The following ADK variants were observed in gnomAD, a reference collection of about 807,000 sequenced individuals.
ADK encodes adenosine kinase, also known as N6,N6-dimethyladenosine kinase.
A neutral mutation model predicts 44.7 loss-of-function variants in ADK; 24 were observed. The observed-to-expected ratio is 0.54, with a 90% confidence interval of 0.39 to 0.76. The LOEUF (loss-of-function observed/expected upper bound fraction) is 0.76. ADK is among the 30% of genes least tolerant of loss of function. The pLI, the probability that ADK is intolerant of heterozygous loss-of-function variation, is 0.00. For synonymous variants in ADK, 128 were observed against 142.6 expected (o/e 0.90, Z 0.73); for missense variants, 321 against 425.1 (o/e 0.76, Z 2.15).
chr10:74,371,937 A>G, intron 4 of ADK: 1 of 1,295,230 alleles, frequency 7.7e-7, no homozygotes, highest in Non-Finnish European at 1.1e-6. Context: ...CCAGCCTCTC[A>G]CAGAGGCATC....
rs138098163 is a variant in ADK, at chr10:74,638,563, A to G, written c.878-31620A>G. On this transcript the variant is annotated intron_variant, in intron 9 of 10. Coordinates refer to ENST00000539909, the MANE Select transcript of ADK (RefSeq NM_006721.4). ...TCTTGGCTACCCAGGAGGCTGAGGCAGGTGATCACATGAGCTGAGGAGCTC... is the reference window on the plus strand; with the variant it reads ...TCTTGGCTACCCAGGAGGCTGAGGCGGGTGATCACATGAGCTGAGGAGCTC... Among the ~76,000 whole-genome samples the G allele has an allele frequency of 6.1e-3, 927 of 152,350 alleles. 3 individuals carry two copies. Among genetic ancestry groups the G allele is most frequent in the Admixed American group, 0.013 (201 of 15,298 alleles).
At chr10:74,528,477 A>G (rs1020166255) in intron 7 of ADK, among the ~76,000 whole-genome samples, 3 of 151,762 alleles carry the variant, frequency 2.0e-5, no homozygotes, top group African/African-American at 7.2e-5. Flanking sequence ...AAAAAAAAAA[A>G]AAGACTCCAA....
intron 2 of ADK, among the ~76,000 whole-genome samples, chr10:74,216,471 T>A (rs1844025382): frequency 1.3e-5 from 2 of 152,120 alleles, no homozygotes. Flanking sequence ...GCACCTGTAA[T>A]CCTAGTACTT....
chr10:74,691,533 A>G (rs1249143139), intron 10 of ADK, among the ~76,000 whole-genome samples: 1 of 152,164 alleles, frequency 6.6e-6, no homozygotes, highest in African/African-American at 2.4e-5. Context: ...GCAGCAGGGA[A>G]ATCATAGAAT....
intron 6 of ADK, among the ~76,000 whole-genome samples, chr10:74,469,366 A>G (rs906523689): frequency 3.9e-5 from 6 of 152,062 alleles, no homozygotes; most frequent in Non-Finnish European, 8.8e-5. Flanking sequence ...TAACCTTTTA[A>G]TTTATTTTTT....
intron 7 of ADK, among the ~76,000 whole-genome samples, chr10:74,583,547 C>T (rs1851437798): frequency 6.6e-6 from 1 of 152,026 alleles, no homozygotes; most frequent in Non-Finnish European, 1.5e-5. Flanking sequence ...ATTTGCTGAC[C>T]ACACTTGCTT....
intron 10 of ADK, among the ~76,000 whole-genome samples, chr10:74,705,285 TGCAGCAGC>T (rs552215948): frequency 1.8e-4 from 9 of 50,824 alleles, no homozygotes; most frequent in Non-Finnish European, 2.5e-4. Flanking sequence ...GAGTGTTAAC[TGCAGCAGC>T]TCAGCAGCTC....
At chr10:74,182,523 C>T (rs1054265724) in intron 1 of ADK, among the ~76,000 whole-genome samples, 1 of 152,060 alleles carries the variant, frequency 6.6e-6, no homozygotes, top group African/African-American at 2.4e-5. Flanking sequence ...CACATGCCAC[C>T]ATGCCCGGCT....
chr10:74,499,174 C>T (rs1942271244), intron 6 of ADK, among the ~76,000 whole-genome samples: 1 of 152,130 alleles, frequency 6.6e-6, no homozygotes, highest in South Asian at 2.1e-4. Context: ...ACCTCAGCCT[C>T]CCTAGTAGTT....
At chr10:74,471,447 A>G (rs1274844953) in intron 6 of ADK, among the ~76,000 whole-genome samples, 1 of 152,028 alleles carries the variant, frequency 6.6e-6, no homozygotes, top group Non-Finnish European at 1.5e-5. Context: ...TGAGGCCTCT[A>G]TCTTTGTTTT....
At chr10:74,342,779 T>TGTGTGTGTGTGTGTGTGTGTGTGTGTG (rs1841623685) in intron 4 of ADK, among the ~76,000 whole-genome samples, 1 of 141,354 alleles carries the variant, frequency 7.1e-6, no homozygotes. Flanking sequence ...CTAGCTCAGT[T>TGTGTGTGTGTGTGTGTGTGTGTGTGTG]TGTGTGTGTG....
chr10:74,451,316 A>G (rs1845771400), intron 6 of ADK, among the ~76,000 whole-genome samples: 1 of 152,056 alleles, frequency 6.6e-6, no homozygotes, highest in Admixed American at 6.6e-5. Flanking sequence ...TATTTTAGCC[A>G]GTAAAATTGT....
chr10:74,287,867 A>G (rs982358595), intron 3 of ADK, among the ~76,000 whole-genome samples: 2 of 151,568 alleles, frequency 1.3e-5, no homozygotes, highest in African/African-American at 4.8e-5. Context: ...TTGTAATCCC[A>G]GCTACTCAGG....
chr10:74,677,918 G>A (rs542508554), intron 10 of ADK, among the ~76,000 whole-genome samples: 4 of 129,420 alleles, frequency 3.1e-5, no homozygotes, highest in East Asian at 2.3e-4. Context: ...ACATGAGGCC[G>A]GGATTTCAAG....
At chr10:74,657,559 T>C (rs1013745036) in intron 9 of ADK, among the ~76,000 whole-genome samples, 1 of 152,240 alleles carries the variant, frequency 6.6e-6, no homozygotes, top group Non-Finnish European at 1.5e-5. Context: ...TATTTACTAC[T>C]TAAGATCAGC....
chr10:74,640,819 TAG>T (rs1853817910), intron 9 of ADK, among the ~76,000 whole-genome samples: 1 of 152,240 alleles, frequency 6.6e-6, no homozygotes, highest in Non-Finnish European at 1.5e-5. Flanking sequence ...AGCCCAGGTC[TAG>T]ATGTTAATGT....
At chr10:74,230,703 G>C (rs916904111) in intron 3 of ADK, among the ~76,000 whole-genome samples, 4 of 145,436 alleles carry the variant, frequency 2.8e-5, no homozygotes, top group African/African-American at 1.0e-4. Flanking sequence ...TTTTTTTTGA[G>C]ACGGAGTCTC....
intron 2 of ADK, among the ~76,000 whole-genome samples, chr10:74,201,680 CTATCTAT>C (rs1843396307): frequency 2.8e-5 from 1 of 35,614 alleles, no homozygotes; most frequent in South Asian, 2.3e-3. Context: ...ATGTATGTAT[CTATCTAT>C]CTATCTATCT....
chr10:74,286,976 C>T (rs867472663), intron 3 of ADK, among the ~76,000 whole-genome samples: 6 of 152,132 alleles, frequency 3.9e-5, no homozygotes, highest in African/African-American at 7.2e-5. Context: ...CATGAGCCAC[C>T]GCGAGTGGTC....
Sources: allele counts gnomAD v4.1 joint callset (sites outside exome capture counted in the v4.1 genomes callset), GRCh38; gene constraint gnomAD v4.1.1; transcripts MANE v1.5; gene names NCBI Gene and HGNC (gene_info 2026-07-23, HGNC 2026-07-21).